DCAF1: variants seen among roughly 807,000 people sequenced by gnomAD.
DCAF1 encodes DDB1- and CUL4-associated factor 1.
DCAF1 carries 15 observed loss-of-function variants against 128.0 expected under a neutral mutation model. That is an observed-to-expected ratio of 0.12 (90% confidence interval 0.08 to 0.18). The LOEUF (loss-of-function observed/expected upper bound fraction) is 0.18. DCAF1 is among the 10% of genes least tolerant of loss of function. DCAF1 has a pLI of 1.00. For synonymous variants in DCAF1, 610 were observed against 603.0 expected (o/e 1.01, Z -0.17); for missense variants, 988 against 1,649.5 (o/e 0.60, Z 6.95).
chr3:51,427,155 A>G (rs568018875), intron 13 of DCAF1, among the ~76,000 whole-genome samples: 4 of 152,326 alleles, frequency 2.6e-5, no homozygotes, highest in African/African-American at 9.6e-5. Flanking sequence ...ATCCTTGCCT[A>G]TTATGCAAAT....
intron 3 of DCAF1, among the ~76,000 whole-genome samples, chr3:51,472,584 A>C (rs1292993343): frequency 6.6e-6 from 1 of 151,844 alleles, no homozygotes; most frequent in Admixed American, 6.6e-5. Context: ...TGAACCATAT[A>C]ATCTTTTTAC....
intron 6 of DCAF1, among the ~76,000 whole-genome samples, chr3:51,451,561 G>C (rs1702354005): frequency 6.6e-6 from 1 of 152,102 alleles, no homozygotes; most frequent in Non-Finnish European, 1.5e-5. Flanking sequence ...AACAGTTTGA[G>C]ACCAGCCTGG....
chr3:51,434,228 C>A lies in DCAF1; in HGVS notation c.1129-964G>T, dbSNP rs1038175161. Among the ~76,000 whole-genome samples the A allele has an allele frequency of 9.7e-4, 148 of 152,222 alleles. 1 individual carries two copies. The highest frequency in any genetic ancestry group is 1.7e-3 in the Non-Finnish European group (116 of 68,028). The stretch of plus-strand genomic sequence containing the variant: ...GCCAGCCTGGACAACATAGCACAAC[C>A]CCATCTCCACAAAAAATTTAAAAAT... On this transcript the variant is annotated intron_variant, in intron 9 of 24. Coordinates refer to ENST00000684031, the MANE Select transcript of DCAF1 (RefSeq NM_001387579.1).
intron 6 of DCAF1, among the ~76,000 whole-genome samples, chr3:51,446,876 G>A (rs1003011221): frequency 6.7e-6 from 1 of 150,204 alleles, no homozygotes; most frequent in Admixed American, 6.7e-5. Context: ...CAGGAGAATC[G>A]CTGAGCCCGG....
intron 4 of DCAF1, 109 bp from the exon 5 acceptor site, chr3:51,466,985 G>T: frequency 1.2e-6 from 1 of 812,268 alleles, no homozygotes; most frequent in Non-Finnish European, 2.0e-6. Flanking sequence ...CTAATAAAAT[G>T]CCAGCAAAAA....
chr3:51,408,921 G>A (rs1263183849), intron 23 of DCAF1, among the ~76,000 whole-genome samples: 1 of 152,102 alleles, frequency 6.6e-6, no homozygotes, highest in Non-Finnish European at 1.5e-5. Context: ...TAATAACTTA[G>A]CCATGTTGCA....
chr3:51,447,718 C>T (rs934843376), intron 6 of DCAF1, among the ~76,000 whole-genome samples: 3 of 152,056 alleles, frequency 2.0e-5, no homozygotes, highest in Admixed American at 6.6e-5. Flanking sequence ...GAGGCCGAGG[C>T]GGGTGGATCA....
chr3:51,473,069 G>A (rs1553648985), intron 3 of DCAF1, among the ~76,000 whole-genome samples: 1 of 147,836 alleles, frequency 6.8e-6, no homozygotes, highest in African/African-American at 2.5e-5. Context: ...CTGAGGTCAG[G>A]AGTTCGAGAC....
chr3:51,448,403 T>C (rs1000490363), intron 6 of DCAF1, among the ~76,000 whole-genome samples: 9 of 152,332 alleles, frequency 5.9e-5, no homozygotes, highest in African/African-American at 2.2e-4. Context: ...CTCTAACTCA[T>C]AGAGACAGGG....
rs200436001 is a variant in DCAF1, at chr3:51,447,950, T to TA, written c.376-4048dup. ...CGACAGAGCAAGACTCTGACTCAAT[T>TA]AAAAAAAAAAAAGTTCTATGTTTAC... On this transcript the variant is annotated intron_variant, in intron 6 of 24. Transcript: ENST00000684031. Among the ~76,000 whole-genome samples, 640 of 146,016 alleles carry TA rather than the reference T, an allele frequency of 4.4e-3. 2 individuals carry two copies. Among genetic ancestry groups the TA allele is most frequent in the Middle Eastern group, 0.025 (7 of 280 alleles).
At chr3:51,456,082 C>T (rs984287105) in intron 6 of DCAF1, among the ~76,000 whole-genome samples, 2 of 152,104 alleles carry the variant, frequency 1.3e-5, no homozygotes, top group Non-Finnish European at 2.9e-5. Context: ...TGCAGTGCAC[C>T]GTGTGCTAGC....
intron 3 of DCAF1, among the ~76,000 whole-genome samples, chr3:51,475,346 A>T (rs1705301874): frequency 6.6e-6 from 1 of 152,202 alleles, no homozygotes; most frequent in South Asian, 2.1e-4. Flanking sequence ...TCATGCCTAT[A>T]ATCCCAGCAC....
chr3:51,469,870 A>G (rs1225372995), intron 4 of DCAF1, among the ~76,000 whole-genome samples: 5 of 151,916 alleles, frequency 3.3e-5, no homozygotes, highest in Admixed American at 3.3e-4. Context: ...AAAGTGCAAA[A>G]CTTAGCCGAC....
chr3:51,492,485 C>G (rs1321054167), intron 2 of DCAF1, among the ~76,000 whole-genome samples: 1 of 151,778 alleles, frequency 6.6e-6, no homozygotes, highest in Admixed American at 6.6e-5. Context: ...CAATGCACAC[C>G]GGCCTGGGCA....
chr3:51,483,865 G>A, intron 2 of DCAF1, 29 bp from the exon 3 acceptor site: 1 of 1,472,688 alleles, frequency 6.8e-7, no homozygotes, highest in South Asian at 1.1e-5. Flanking sequence ...AAATAAAAAA[G>A]ACAACCAATA....
At chr3:51,440,643 C>T (rs782221761) in intron 9 of DCAF1, among the ~76,000 whole-genome samples, 3 of 151,682 alleles carry the variant, frequency 2.0e-5, no homozygotes, top group Middle Eastern at 3.5e-3. Context: ...CAGTGGCTCA[C>T]GCCTGTAATC....
intron 2 of DCAF1, among the ~76,000 whole-genome samples, chr3:51,491,744 C>G (rs906221607): frequency 1.3e-5 from 2 of 151,876 alleles, no homozygotes; most frequent in Admixed American, 6.6e-5. Context: ...CTCAGGGGGG[C>G]TGAGGCAGGA....
Position 51,420,444 on chromosome 3 carries a change from C to A in DCAF1, c.2526G>T (p.Arg842Ser). 1.9e-6 allele frequency: 3 copies of A among 1,614,032 alleles called. No individual in the cohort carries two copies. The highest frequency in any genetic ancestry group is 2.5e-6 in the Non-Finnish European group (3 of 1,179,898). Residue 842 changes from arginine to serine, a missense_variant, in exon 15 of 25, where the codon AGG becomes AGT. By Grantham distance (110) the Arg-to-Ser change is moderately radical. Around this residue, in one of 11 missense-constraint regions of DCAF1, gnomAD observed 76 missense variants for 186.9 expected, o/e 0.41. Transcript: ENST00000684031. The surrounding 1 kb of genome is among the most constrained non-coding windows in gnomAD (Gnocchi z 6.5). ...LQKADVVAQS[R>S]ISFPEKELLL... is the part of the protein sequence containing the mutation. The stretch of plus-strand genomic sequence containing the variant: ...GCAGCTCTTTCTCAGGGAAGGAGAT[C>A]CTTGACTGGGCAACAACATCTGCTT...
At chr3:51,453,731 T>A (rs531047759) in intron 6 of DCAF1, among the ~76,000 whole-genome samples, 167 of 152,168 alleles carry the variant, frequency 1.1e-3, no homozygotes, top group African/African-American at 4.0e-3. Context: ...GGCGGGCAGA[T>A]CAGCTGAGGT....
Sources: gnomAD v4.1 joint callset for allele counts (sites outside exome capture counted in the v4.1 genomes callset) on GRCh38, gnomAD v4.1.1 for gene constraint, gnomAD v4.1.1 regional missense constraint, Gnocchi (gnomAD v3.1) non-coding constraint, MANE v1.5 for transcripts, NCBI Gene and HGNC (gene_info 2026-07-23, HGNC 2026-07-21) for gene names.